The following BTBD7 variants were observed in gnomAD, a reference collection of about 807,000 sequenced individuals.
BTBD7 encodes the protein BTB domain containing 7, also known as BTB/POZ domain-containing protein 7.
In BTBD7, 38 loss-of-function variants were observed where a neutral mutation model predicts 99.9. The observed-to-expected ratio is 0.38, with a 90% CI of 0.29 to 0.50. BTBD7 has a LOEUF of 0.50. Ranked by LOEUF, BTBD7 falls within the 20% of genes least tolerant of loss-of-function variation. The pLI, the probability that BTBD7 is intolerant of heterozygous loss-of-function variation, is 0.93. For missense variants in BTBD7, 1,170 were observed against 1,394.6 expected, an observed-to-expected ratio of 0.84 and a Z score of 2.57; for synonymous variants, 520 against 511.4, an observed-to-expected ratio of 1.02 and a Z score of -0.23.
chr14:93,305,718 C>T (rs991333431), intron 1 of BTBD7, among the ~76,000 whole-genome samples: 8 of 152,186 alleles, frequency 5.3e-5, no homozygotes, highest in Non-Finnish European at 8.8e-5. Flanking sequence ...TGTTTAGAAG[C>T]TTGTCTTAGT....
intron 6 of BTBD7, chr14:93,256,725 A>G (rs999481724): frequency 1.3e-5 from 2 of 152,856 alleles, no homozygotes; most frequent in Non-Finnish European, 2.9e-5. Context: ...AGCCAATTAT[A>G]TTAATTTTTA....
chr14:93,303,539 C>G (rs1446440681), intron 1 of BTBD7, among the ~76,000 whole-genome samples: 1 of 152,202 alleles, frequency 6.6e-6, no homozygotes, highest in Non-Finnish European at 1.5e-5. Flanking sequence ...TTTTGAGGGA[C>G]TTGGGCCTGT....
chr14:93,320,435 CCCAAATGT>C lies in BTBD7; in HGVS notation c.-107+12377_-107+12384del, dbSNP rs1409487586. Among the ~76,000 whole-genome samples the C allele has an allele frequency of 2.6e-5, 4 of 152,162 alleles. No homozygotes were observed. In the East Asian group the frequency reaches 7.7e-4, roughly 29 times the overall value. ...CCTCCACAACAAAGAATTACCTGGCCCCAAATGTCAAGAGTGCCAAGGTTGAGAAGCCC... is the reference window on the plus strand; with the variant it reads ...CCTCCACAACAAAGAATTACCTGGCCCAAGAGTGCCAAGGTTGAGAAGCCC... On this transcript the variant is annotated intron_variant, in intron 1 of 10. Coordinates refer to ENST00000334746, the MANE Select transcript of BTBD7 (RefSeq NM_001002860.4).
At chr14:93,309,586 T>C (rs1454585510) in intron 1 of BTBD7, among the ~76,000 whole-genome samples, 2 of 151,998 alleles carry the variant, frequency 1.3e-5, no homozygotes, top group South Asian at 2.1e-4. Context: ...GTCTACCTCA[T>C]GCTTCTGTGT....
intron 1 of BTBD7, among the ~76,000 whole-genome samples, chr14:93,329,238 T>C (rs997057780): frequency 6.6e-6 from 1 of 151,542 alleles, no homozygotes; most frequent in East Asian, 1.9e-4. Context: ...TCTAAAAAAA[T>C]ACAAAAGATC....
intron 1 of BTBD7, among the ~76,000 whole-genome samples, chr14:93,302,603 T>G (rs1255274747): frequency 6.6e-6 from 1 of 152,008 alleles, no homozygotes; most frequent in East Asian, 1.9e-4. Flanking sequence ...TCCCAGCACT[T>G]TGGGAGGCCG....
Position 93,239,415 on chromosome 14 carries a change from C to T in BTBD7, c.*2858G>A, listed in dbSNP as rs951348110. On this transcript the variant is annotated 3_prime_UTR_variant, in exon 11 of 11. Coordinates refer to ENST00000334746, the MANE Select transcript of BTBD7 (RefSeq NM_001002860.4). ...TCCTATACCAAGTAAAATGCCAGTT[C>T]CCATGGCCTAAATTTTATTTTATAT... The T allele has an allele frequency of 2.0e-5, 3 of 151,518 alleles. No homozygotes were observed. Among genetic ancestry groups the T allele is most frequent in the African/African-American group, 7.3e-5 (3 of 41,182 alleles). 9.4% of individuals were successfully genotyped at this position (151,518 alleles called of 1,614,324 possible). A position where few individuals can be genotyped will look rare whatever the true frequency, so the allele number is the denominator to read the frequency against.
intron 1 of BTBD7, among the ~76,000 whole-genome samples, chr14:93,322,030 A>T (rs2053276502): frequency 6.6e-6 from 1 of 152,234 alleles, no homozygotes; most frequent in Admixed American, 6.5e-5. Context: ...TGCAGCAGGC[A>T]GTGGCAAGAT....
intron 10 of BTBD7, among the ~76,000 whole-genome samples, chr14:93,244,573 C>T (rs1223057674): frequency 1.3e-5 from 2 of 152,110 alleles, no homozygotes; most frequent in African/African-American, 4.8e-5. Flanking sequence ...TGCTTGAACC[C>T]GGGAGGCGGA....
At chr14:93,276,880 A>C (rs2052661240) in intron 3 of BTBD7, among the ~76,000 whole-genome samples, 1 of 148,900 alleles carries the variant, frequency 6.7e-6, no homozygotes, top group African/African-American at 2.5e-5. Flanking sequence ...CGACACACAC[A>C]CACACAGATT....
rs111991858 is a variant in BTBD7, at chr14:93,261,893, G to A, written c.1372-216C>T. Among the ~76,000 whole-genome samples, 6 of 152,172 alleles carry A rather than the reference G, an allele frequency of 3.9e-5. 1 individual carries two copies. The highest frequency in any genetic ancestry group is 1.4e-4 in the African/African-American group (6 of 41,518). ...ATTTTATCCAGTAACCTCAATCTTG[G>A]CTCCAACTAATTTTTAAATTTCATT... On this transcript the variant is annotated intron_variant, in intron 4 of 10. Coordinates refer to ENST00000334746, the MANE Select transcript of BTBD7 (RefSeq NM_001002860.4).
chr14:93,253,588 C>T (rs774034051), intron 7 of BTBD7, 59 bp downstream of exon 7: 34 of 1,462,052 alleles, frequency 2.3e-5, no homozygotes, highest in Non-Finnish European at 3.1e-5. Context: ...TACAGTGAAC[C>T]ACTTTGTGCA....
chr14:93,326,702 T>C (rs1326019028), intron 1 of BTBD7, among the ~76,000 whole-genome samples: 1 of 151,750 alleles, frequency 6.6e-6, no homozygotes, highest in East Asian at 1.9e-4. Flanking sequence ...CTTGGGAGGC[T>C]GAGGCAGGAG....
rs143321829 is a variant in BTBD7, at chr14:93,286,520, C to T, written c.1162+7338G>A. 1.1e-3 allele frequency among the ~76,000 whole-genome samples: 172 copies of T among 152,306 alleles called. 1 individual carries two copies. Among genetic ancestry groups the T allele is most frequent in the Admixed American group, 2.9e-3 (45 of 15,304 alleles). On this transcript the variant is annotated intron_variant, in intron 3 of 10. Coordinates refer to ENST00000334746, the MANE Select transcript of BTBD7 (RefSeq NM_001002860.4). ...AATGATTTGTTGTTCAGCCACAAAT[C>T]GGGCTCACAGCTGAGGCTCCTACAA...
intron 2 of BTBD7, 116 bp downstream of exon 2, chr14:93,295,854 C>T (rs1240925758): frequency 6.4e-6 from 6 of 934,850 alleles, no homozygotes; most frequent in African/African-American, 1.7e-5. Context: ...AACCTAGATG[C>T]TGCAGAATTA....
In BTBD7 at chr14:93,241,988, C is replaced by A. The variant is rs141712356; in HGVS notation, c.*285G>T. 17 of 429,618 alleles carry A rather than the reference C, an allele frequency of 4.0e-5. No individual in the cohort carries two copies. The highest frequency in any genetic ancestry group is 3.2e-4 in the African/African-American group (16 of 49,842). 26.6% of individuals were successfully genotyped at this position (429,618 alleles called of 1,614,324 possible). ...ATAAATGTACAAGTGCAAAAAAATT[C>A]CATCATTTGTAAAGAGAAATAAAAA... On this transcript the variant is annotated 3_prime_UTR_variant, in exon 11 of 11. Coordinates refer to ENST00000334746, the MANE Select transcript of BTBD7 (RefSeq NM_001002860.4).
At chr14:93,261,741 G>A (rs1010303459) in intron 4 of BTBD7, 64 bp from the exon 5 acceptor site, 6 of 1,224,204 alleles carry the variant, frequency 4.9e-6, no homozygotes, top group Non-Finnish European at 5.9e-6. Flanking sequence ...TTTCATTAAG[G>A]ACTTTTCGTA....
Position 93,245,839 on chromosome 14 carries a change from A to ATGC in BTBD7, c.2566_2568dup (p.Ala856dup), listed in dbSNP as rs756424655. ...TGTTGACTTACCACTTGCTTCTCAG[A>ATGC]TGCTGCTGCTGCTGCTGCTGTTGCT... On this transcript the variant is annotated inframe_insertion, in exon 10 of 11. Transcript: ENST00000334746. 1.5e-5 allele frequency: 24 copies of ATGC among 1,611,914 alleles called. No individual in the cohort carries two copies. Among genetic ancestry groups the ATGC allele is most frequent in the Admixed American group, 5.0e-5 (3 of 59,940 alleles).
rs1007752302 is a variant in BTBD7 at position 93,238,887 on chromosome 14, A to G, written c.*3386T>C. On this transcript the variant is annotated 3_prime_UTR_variant, in exon 11 of 11. Coordinates refer to ENST00000334746, the MANE Select transcript of BTBD7 (RefSeq NM_001002860.4). ...AAACAAAAATCCAATGAAGGATGGC[A>G]GATGCAATAAAAAGTTTCTGAGGAA... 1 of 152,258 alleles carries G rather than the reference A, an allele frequency of 6.6e-6. No homozygotes were observed. The highest frequency in any genetic ancestry group is 2.4e-5 in the African/African-American group (1 of 41,472). The allele number at this position is 152,258 out of a possible 1,614,324, so 9.4% of individuals were successfully genotyped here. A position where few individuals can be genotyped will look rare whatever the true frequency, so the allele number is the denominator to read the frequency against.
Sources: allele counts gnomAD v4.1 joint callset (sites outside exome capture counted in the v4.1 genomes callset), GRCh38; gene constraint gnomAD v4.1.1; transcripts MANE v1.5; gene names NCBI Gene and HGNC (gene_info 2026-07-23, HGNC 2026-07-21).